The following STX7 variants were observed in gnomAD, a reference collection of about 807,000 sequenced individuals.
The protein encoded by STX7 is syntaxin-7.
STX7 carries 34 observed loss-of-function variants against 39.6 expected under a neutral mutation model. That is an observed-to-expected ratio of 0.86 (90% CI 0.65 to 1.14). The LOEUF is 1.14. STX7 is among the 50% of genes most tolerant of loss of function. The pLI is 0.00. For missense variants in STX7, 284 were observed against 310.4 expected, an observed-to-expected ratio of 0.92 and a Z score of 0.64; for synonymous variants, 119 against 99.1, an observed-to-expected ratio of 1.20 and a Z score of -1.19.
At chr6:132,486,886 T>C (rs1360580629) in intron 2 of STX7, among the ~76,000 whole-genome samples, 1 of 152,136 alleles carries the variant, frequency 6.6e-6, no homozygotes, top group African/African-American at 2.4e-5. Context: ...AGGCTTGTCT[T>C]GAACTCCCGA....
Position 132,458,279 on chromosome 6 carries a change from G to A in STX7, c.*2479C>T, listed in dbSNP as rs995848322. The A allele has an allele frequency of 2.0e-5, 3 of 152,158 alleles. No homozygotes were observed. The highest frequency in any genetic ancestry group is 4.4e-5 in the Non-Finnish European group (3 of 68,048). 9.4% of individuals were successfully genotyped at this position (152,158 alleles called of 1,614,324 possible). A position where few individuals can be genotyped will look rare whatever the true frequency, so the allele number is the denominator to read the frequency against. ...GTCCAACTCCAGACACTGCATCCATGGCTGTCCTAGACTGAGTTGCACTTG... is the reference window on the plus strand; with the variant it reads ...GTCCAACTCCAGACACTGCATCCATAGCTGTCCTAGACTGAGTTGCACTTG... On this transcript the variant is annotated 3_prime_UTR_variant, in exon 10 of 10. Coordinates refer to ENST00000367941, the MANE Select transcript of STX7 (RefSeq NM_003569.3).
At chr6:132,461,992 T>C (rs1253910526) in intron 9 of STX7, 1 of 852,776 alleles carries the variant, frequency 1.2e-6, no homozygotes, top group East Asian at 2.7e-5. Flanking sequence ...CACATATTCA[T>C]CTAATTTTTC....
intron 1 of STX7, among the ~76,000 whole-genome samples, chr6:132,510,137 A>G (rs565794353): frequency 2.6e-4 from 39 of 152,378 alleles, no homozygotes; most frequent in Middle Eastern, 3.4e-3. Context: ...ACAGCTAGGT[A>G]GGAGGAATGA....
Position 132,448,688 on chromosome 6 carries a change from T to C in STX7, c.*12070A>G, listed in dbSNP as rs1774073561. On this transcript the variant is annotated 3_prime_UTR_variant, in exon 10 of 10. Coordinates refer to ENST00000367941, the MANE Select transcript of STX7 (RefSeq NM_003569.3). ...CGTCTTTACTAAAAATACAAAAAAA[T>C]TAGCCAGGTTGTGGTGGCGCACACC... The C allele has an allele frequency of 6.6e-6, 1 of 151,732 alleles. No individual in the cohort carries two copies. The highest frequency in any genetic ancestry group is 2.4e-5 in the African/African-American group (1 of 41,254). 9.4% of individuals were successfully genotyped at this position (151,732 alleles called of 1,614,324 possible).
At chr6:132,507,645 CTT>C (rs1775739594) in intron 1 of STX7, among the ~76,000 whole-genome samples, 8 of 151,768 alleles carry the variant, frequency 5.3e-5, no homozygotes, top group African/African-American at 1.9e-4. Flanking sequence ...TCCTTCATTC[CTT>C]CATTATTGCC....
intron 3 of STX7, among the ~76,000 whole-genome samples, chr6:132,474,636 C>T (rs1169069105): frequency 2.0e-5 from 3 of 151,964 alleles, no homozygotes; most frequent in Admixed American, 2.0e-4. Flanking sequence ...TTCTAAATGA[C>T]ATTGGGTAAC....
intron 8 of STX7, among the ~76,000 whole-genome samples, 173 bp downstream of exon 8, chr6:132,468,230 T>C (rs1774612672): frequency 6.6e-6 from 1 of 152,154 alleles, no homozygotes; most frequent in African/African-American, 2.4e-5. Flanking sequence ...AAAAATGAGA[T>C]CTGTTTTAGA....
rs1209071367 is a variant in STX7 at position 132,503,543 on chromosome 6, T to C, written c.-13A>G. The stretch of plus-strand genomic sequence containing the variant: ...GAGTGTAAGACATGGTTGATGTTCT[T>C]ATTCGCTAATTTCATCAGATGCTGT... On this transcript the variant is annotated 5_prime_UTR_variant, in exon 2 of 10. In the 5' UTR this introduces an upstream ATG that the reference lacks. Transcript: ENST00000367941. 1.2e-6 allele frequency: 2 copies of C among 1,610,096 alleles called. No individual in the cohort carries two copies. Among genetic ancestry groups the C allele is most frequent in the Non-Finnish European group, 1.7e-6 (2 of 1,176,666 alleles).
intron 2 of STX7, among the ~76,000 whole-genome samples, chr6:132,476,242 G>A (rs774147154): frequency 6.6e-6 from 1 of 152,024 alleles, no homozygotes; most frequent in Non-Finnish European, 1.5e-5. Context: ...GAAAACAAAT[G>A]ACCAAATTTA....
intron 2 of STX7, among the ~76,000 whole-genome samples, chr6:132,483,676 T>C (rs1775063451): frequency 6.6e-6 from 1 of 152,228 alleles, no homozygotes; most frequent in Non-Finnish European, 1.5e-5. Flanking sequence ...TATTACTCTC[T>C]GGTTTTTGGC....
chr6:132,470,666 A>C, intron 5 of STX7, 40 bp from the exon 6 acceptor site: 1 of 1,466,368 alleles, frequency 6.8e-7, no homozygotes, highest in Non-Finnish European at 9.5e-7. Flanking sequence ...GAAGGGGCAA[A>C]AAAAGCAAAA....
chr6:132,472,223 C>G, intron 4 of STX7, 59 bp downstream of exon 4: 2 of 1,295,588 alleles, frequency 1.5e-6, no homozygotes, highest in African/African-American at 1.5e-5. Context: ...AAAGATCCTA[C>G]AGTGCACTGG....
rs976441761 is a variant in STX7 at position 132,453,529 on chromosome 6, T to C, written c.*7229A>G. 2.7e-5 allele frequency: 4 copies of C among 146,494 alleles called. No homozygotes were observed. Among genetic ancestry groups the C allele is most frequent in the African/African-American group, 1.0e-4 (4 of 39,674 alleles). 9.1% of individuals were successfully genotyped at this position (146,494 alleles called of 1,614,324 possible). A position where few individuals can be genotyped will look rare whatever the true frequency, so the allele number is the denominator to read the frequency against. On this transcript the variant is annotated 3_prime_UTR_variant, in exon 10 of 10. Coordinates refer to ENST00000367941, the MANE Select transcript of STX7 (RefSeq NM_003569.3). ...CAAAGGACTAGTATCTAGAAAAAAA[T>C]ACACACACACACACACAGAGGCACA... is the stretch of plus-strand genomic sequence containing the variant.
intron 1 of STX7, among the ~76,000 whole-genome samples, chr6:132,507,186 G>A (rs894302071): frequency 5.9e-5 from 9 of 152,072 alleles, no homozygotes; most frequent in Admixed American, 1.3e-4. Context: ...TACTTAATGC[G>A]TACAATGTAC....
chr6:132,505,390 C>T (rs9402413), intron 1 of STX7, among the ~76,000 whole-genome samples: 3,551 of 152,310 alleles, frequency 0.023, 63 homozygotes, highest in Non-Finnish European at 0.034. Context: ...AGTACTGGTT[C>T]TATGCCTGGA....
rs540939045 is a variant in STX7 at position 132,470,025 on chromosome 6, C to T, written c.463G>A (p.Val155Met). Residue 155 changes from valine to methionine, a missense_variant, in exon 7 of 10, where the codon GTG becomes ATG. By Grantham distance (21) the Val-to-Met change is conservative. Transcript: ENST00000367941. ...WESQTQPQVQ[V>M]QDEEITEDDL... ...TCCTCTGTAATTTCTTCATCCTGCA[C>T]CTGCACTTGAGGTTGAGTTTGGCTA... 7.6e-6 allele frequency: 12 copies of T among 1,587,372 alleles called. No homozygotes were observed. In the East Asian group the frequency reaches 9.4e-5, roughly 12 times the overall value.
intron 7 of STX7, among the ~76,000 whole-genome samples, chr6:132,469,184 C>A (rs1379819378): frequency 6.6e-6 from 1 of 152,092 alleles, no homozygotes; most frequent in African/African-American, 2.4e-5. Context: ...TAAGTAGGTT[C>A]CATAAGAACT....
intron 7 of STX7, 43 bp from the exon 8 acceptor site, chr6:132,468,518 C>T: frequency 6.6e-7 from 1 of 1,510,534 alleles, no homozygotes; most frequent in East Asian, 2.3e-5. Flanking sequence ...AAATTCAGTC[C>T]CCATTCCATA....
rs748004173 is a variant in STX7 at position 132,454,419 on chromosome 6, C to T, written c.*6339G>A. 2.6e-5 allele frequency: 4 copies of T among 152,016 alleles called. No homozygotes were observed. Among genetic ancestry groups the T allele is most frequent in the Non-Finnish European group, 2.9e-5 (2 of 67,988 alleles). The allele number at this position is 152,016 out of a possible 1,614,324, so 9.4% of individuals were successfully genotyped here. ...GTATCCTGGGTATGATATTGTATGA[C>T]AGTTTTGAAAGATGTTCACTGTGTG... On this transcript the variant is annotated 3_prime_UTR_variant, in exon 10 of 10. Coordinates refer to ENST00000367941, the MANE Select transcript of STX7 (RefSeq NM_003569.3).
Sources: allele counts gnomAD v4.1 joint callset (sites outside exome capture counted in the v4.1 genomes callset), GRCh38; gene constraint gnomAD v4.1.1; transcripts MANE v1.5; gene names NCBI Gene and HGNC (gene_info 2026-07-23, HGNC 2026-07-21).